Variants in STPG2 observed in about 807,000 individuals in gnomAD.
The protein encoded by STPG2 is sperm tail PG-rich repeat containing 2, also known as sperm-tail PG-rich repeat-containing protein 2.
STPG2 carries 56 observed loss-of-function variants against 54.2 expected under a neutral mutation model. The observed-to-expected ratio is 1.03, with a 90% CI of 0.83 to 1.29. The LOEUF (loss-of-function observed/expected upper bound fraction) is 1.29. STPG2 is among the 50% of genes most tolerant of loss of function. The pLI, the probability that STPG2 is intolerant of heterozygous loss-of-function variation, is 0.00. For synonymous variants in STPG2, 200 were observed against 181.8 expected (o/e 1.10, Z -0.81); for missense variants, 596 against 544.9 (o/e 1.09, Z -0.93).
intron 2 of STPG2, 83 bp from the exon 3 acceptor site, chr4:98,128,675 G>A: frequency 9.1e-7 from 1 of 1,097,516 alleles, no homozygotes; most frequent in Non-Finnish European, 1.3e-6. Flanking sequence ...TTACTAAAAG[G>A]CAACTATTAA....
chr4:97,901,456 C>A (rs900801245), intron 8 of STPG2, among the ~76,000 whole-genome samples: 3 of 151,664 alleles, frequency 2.0e-5, no homozygotes, highest in African/African-American at 7.3e-5. Flanking sequence ...ACTGCCCCCC[C>A]AAAAAAAGTT....
At chr4:97,924,380 C>G (rs1050655683) in intron 8 of STPG2, among the ~76,000 whole-genome samples, 2 of 152,146 alleles carry the variant, frequency 1.3e-5, no homozygotes, top group Non-Finnish European at 2.9e-5. Flanking sequence ...TATAGTAATA[C>G]AATAGGACTT....
chr4:97,685,066 A>T (rs1408908308), intron 10 of STPG2, among the ~76,000 whole-genome samples: 1 of 152,066 alleles, frequency 6.6e-6, no homozygotes, highest in Non-Finnish European at 1.5e-5. Flanking sequence ...CAAGACACTG[A>T]TAATAAAGAT....
At chr4:97,511,475 G>C (rs1303873471) in intron 4 of STPG2, among the ~76,000 whole-genome samples, 13 of 151,812 alleles carry the variant, frequency 8.6e-5, no homozygotes. Flanking sequence ...TTTTAACAGA[G>C]GAGTAAGAAG....
chr4:98,129,651 T>C (rs906192396), intron 2 of STPG2, among the ~76,000 whole-genome samples: 8 of 152,026 alleles, frequency 5.3e-5, no homozygotes, highest in Admixed American at 5.2e-4. Context: ...AATAAAAACA[T>C]GAAGGTGTAA....
intron 10 of STPG2, among the ~76,000 whole-genome samples, chr4:97,604,368 C>T (rs989262816): frequency 4.6e-5 from 7 of 151,674 alleles, no homozygotes; most frequent in African/African-American, 1.7e-4. Context: ...TTGAAGAGTG[C>T]TCCTTGAAAC....
chr4:97,988,096 C>T (rs1290187120), intron 5 of STPG2, among the ~76,000 whole-genome samples: 1 of 151,262 alleles, frequency 6.6e-6, no homozygotes, highest in Admixed American at 6.6e-5. Flanking sequence ...TCTCCTACTA[C>T]CATCTCCCCT....
At chr4:97,733,203 T>C (rs1247664146) in intron 9 of STPG2, among the ~76,000 whole-genome samples, 1 of 152,088 alleles carries the variant, frequency 6.6e-6, no homozygotes, top group African/African-American at 2.4e-5. Context: ...GCGCATCAAC[T>C]AATGAGCAGC....
intron 4 of STPG2, among the ~76,000 whole-genome samples, chr4:97,503,852 TATATTTTAAAAATATATTTAA>T (rs1383366063): frequency 3.3e-4 from 15 of 45,976 alleles, no homozygotes; most frequent in Admixed American, 9.8e-4. Context: ...TTCATATAAA[TATATTTTAAAAATATATTTAA>T]ATATTTTAAA....
rs182727704 is a variant in STPG2, at chr4:97,566,602, A to G, written c.1321-7485T>C. Among the ~76,000 whole-genome samples, 10 of 152,242 alleles carry G rather than the reference A, an allele frequency of 6.6e-5. No homozygotes were observed. The East Asian group carries it at 1.9e-3, about 30-fold the overall frequency. ...TGGCTTGTATGTTTATTGCGGCACT[A>G]TTCACAACAGCAAAGACTTGGAACC... On this transcript the variant is annotated intron_variant, in intron 10 of 10. Transcript: ENST00000295268.
chr4:98,102,952 T>C (rs936364946), intron 5 of STPG2, among the ~76,000 whole-genome samples: 21 of 150,422 alleles, frequency 1.4e-4, no homozygotes, highest in African/African-American at 5.1e-4. Flanking sequence ...ATGTTTCTAT[T>C]GCCTGGTCCC....
At chr4:98,020,210 G>C (rs1736128718) in intron 5 of STPG2, among the ~76,000 whole-genome samples, 1 of 133,064 alleles carries the variant, frequency 7.5e-6, no homozygotes, top group African/African-American at 2.9e-5. Context: ...CTAATTTATT[G>C]AGAGTTTTTA....
At chr4:97,930,065 AT>A (rs1317528199) in intron 8 of STPG2, among the ~76,000 whole-genome samples, 1 of 151,798 alleles carries the variant, frequency 6.6e-6, no homozygotes, top group Non-Finnish European at 1.5e-5. Flanking sequence ...CGCCCAGCTA[AT>A]TTTTGTATTT....
At chr4:97,678,938 C>T (rs943633400) in intron 10 of STPG2, among the ~76,000 whole-genome samples, 10 of 152,062 alleles carry the variant, frequency 6.6e-5, no homozygotes, top group Non-Finnish European at 1.5e-4. Flanking sequence ...ATCCATGTCC[C>T]TACAAAGGAC....
chr4:97,646,074 G>C (rs1293166834), intron 10 of STPG2, among the ~76,000 whole-genome samples: 1 of 152,084 alleles, frequency 6.6e-6, no homozygotes, highest in Non-Finnish European at 1.5e-5. Flanking sequence ...TGGGCTCTAA[G>C]TCTTCCCATG....
chr4:97,933,065 T>A (rs921828381), intron 8 of STPG2, among the ~76,000 whole-genome samples: 3 of 152,246 alleles, frequency 2.0e-5, no homozygotes, highest in Non-Finnish European at 4.4e-5. Flanking sequence ...CTATTCTGAC[T>A]GGCATAAGAT....
intron 8 of STPG2, among the ~76,000 whole-genome samples, chr4:97,845,976 G>A (rs980606453): frequency 6.6e-6 from 1 of 152,190 alleles, no homozygotes; most frequent in Admixed American, 6.5e-5. Context: ...GCATGACTAT[G>A]AGAGAATAAA....
chr4:97,713,490 A>G (rs567523531), intron 9 of STPG2, among the ~76,000 whole-genome samples: 1 of 152,352 alleles, frequency 6.6e-6, no homozygotes, highest in South Asian at 2.1e-4. Context: ...TTTCATAGAC[A>G]ATGGGTAGCT....
At chr4:97,902,136 T>C (rs922457461) in intron 8 of STPG2, among the ~76,000 whole-genome samples, 3 of 151,966 alleles carry the variant, frequency 2.0e-5, no homozygotes, top group African/African-American at 7.2e-5. Flanking sequence ...CTTAACACCA[T>C]ATAAAAAGAT....
Sources: gnomAD v4.1 joint callset for allele counts (sites outside exome capture counted in the v4.1 genomes callset) on GRCh38, gnomAD v4.1.1 for gene constraint, MANE v1.5 for transcripts, NCBI Gene and HGNC (gene_info 2026-07-23, HGNC 2026-07-21) for gene names.